ATRNL1: variants seen among roughly 807,000 people sequenced by gnomAD.
ATRNL1 encodes attractin-like protein 1.
In ATRNL1, 95 loss-of-function variants were observed where a neutral mutation model predicts 182.7. The ratio of observed to expected loss-of-function variants is 0.52; its 90% confidence interval spans 0.44 to 0.62. The LOEUF (loss-of-function observed/expected upper bound fraction) is 0.62, where lower values mean the gene tolerates loss of function less well. ATRNL1 is among the 20% of genes least tolerant of loss of function. ATRNL1 has a pLI of 0.00. For missense variants in ATRNL1, 1,471 were observed against 1,679.5 expected (o/e 0.88, Z 2.17); for synonymous variants, 576 against 568.3 (o/e 1.01, Z -0.19).
chr10:115,330,444 A>C (rs185128712), intron 18 of ATRNL1, among the ~76,000 whole-genome samples: 1,958 of 152,032 alleles, frequency 0.013, 37 homozygotes, highest in African/African-American at 0.044. Flanking sequence ...CAACTCCTGA[A>C]AGTATTTTTT....
chr10:115,295,719 G>C (rs1853149946), intron 15 of ATRNL1, among the ~76,000 whole-genome samples: 1 of 152,094 alleles, frequency 6.6e-6, no homozygotes, highest in African/African-American at 2.4e-5. Context: ...GTCCTGTGTG[G>C]GACTGCCAGA....
At chr10:115,701,581 A>G (rs545641999) in intron 26 of ATRNL1, among the ~76,000 whole-genome samples, 9 of 152,026 alleles carry the variant, frequency 5.9e-5, no homozygotes, top group Non-Finnish European at 1.3e-4. Flanking sequence ...ACTGAAGAAG[A>G]TCCAAATAAC....
chr10:115,443,170 T>G (rs1554966061), intron 21 of ATRNL1, among the ~76,000 whole-genome samples: 1 of 151,922 alleles, frequency 6.6e-6, no homozygotes, highest in African/African-American at 2.4e-5. Flanking sequence ...TGATTATATG[T>G]GTTTAAATTT....
At chr10:115,516,392 AC>A (rs150736271) in intron 24 of ATRNL1, among the ~76,000 whole-genome samples, 1,801 of 151,864 alleles carry the variant, frequency 0.012, 31 homozygotes, top group African/African-American at 0.04. Flanking sequence ...TAAATTATGT[AC>A]CTAACTACTT....
At chr10:115,704,335 A>T (rs1180225993) in intron 26 of ATRNL1, among the ~76,000 whole-genome samples, 2 of 151,842 alleles carry the variant, frequency 1.3e-5, no homozygotes, top group East Asian at 3.9e-4. Context: ...AATTGTCTTT[A>T]TAAGGAAACT....
intron 19 of ATRNL1, among the ~76,000 whole-genome samples, chr10:115,349,469 A>G (rs1038728962): frequency 3.3e-5 from 5 of 152,202 alleles, no homozygotes; most frequent in Non-Finnish European, 7.3e-5. Flanking sequence ...TCTTTTGGAT[A>G]TAACCAGTAG....
In ATRNL1 at chr10:115,815,531, C is replaced by G. The variant is rs565444677; in HGVS notation, c.3904-32346C>G. 4.6e-5 allele frequency among the ~76,000 whole-genome samples: 7 copies of G among 151,094 alleles called. No homozygotes were observed. The Admixed American group carries it at 4.6e-4, about 10-fold the overall frequency. ...TACTTTTCTTAAATCACAAATTACA[C>G]GAAGCTTAACAAACATCCAAAAACA... On this transcript the variant is annotated intron_variant, in intron 27 of 28. Coordinates refer to ENST00000355044, the MANE Select transcript of ATRNL1 (RefSeq NM_207303.4).
intron 26 of ATRNL1, among the ~76,000 whole-genome samples, chr10:115,598,281 T>C (rs1856380787): frequency 6.6e-6 from 1 of 151,432 alleles, no homozygotes; most frequent in Admixed American, 6.6e-5. Flanking sequence ...AAATTTAAAT[T>C]GATAAATTGA....
intron 28 of ATRNL1, among the ~76,000 whole-genome samples, chr10:115,897,418 T>A (rs576360672): frequency 2.6e-5 from 4 of 152,318 alleles, no homozygotes; most frequent in Admixed American, 2.0e-4. Context: ...TGAAGAAGTA[T>A]TCAAGGGTAT....
chr10:115,382,142 TTTA>T (rs1554951341), intron 19 of ATRNL1, among the ~76,000 whole-genome samples: 1 of 152,202 alleles, frequency 6.6e-6, no homozygotes, highest in Non-Finnish European at 1.5e-5. Context: ...AGTCTCCAAC[TTTA>T]TTCTTCTTTT....
At chr10:115,606,463 CA>C (rs1565208421) in intron 26 of ATRNL1, among the ~76,000 whole-genome samples, 1 of 151,822 alleles carries the variant, frequency 6.6e-6, no homozygotes, top group African/African-American at 2.4e-5. Context: ...CCATTAAGAG[CA>C]AATGTTTAAG....
At chr10:115,357,465 G>A (rs1424169052) in intron 19 of ATRNL1, among the ~76,000 whole-genome samples, 2 of 151,740 alleles carry the variant, frequency 1.3e-5, no homozygotes, top group African/African-American at 4.8e-5. Flanking sequence ...TTATATTTTA[G>A]TCATGCCTAC....
At chr10:115,753,997 T>C (rs1490554112) in intron 27 of ATRNL1, among the ~76,000 whole-genome samples, 1 of 152,224 alleles carries the variant, frequency 6.6e-6, no homozygotes, top group Non-Finnish European at 1.5e-5. Flanking sequence ...TCTGTTGATA[T>C]CCTTCACCCA....
intron 15 of ATRNL1, among the ~76,000 whole-genome samples, chr10:115,289,490 C>T (rs1003161962): frequency 1.3e-5 from 2 of 151,974 alleles, no homozygotes; most frequent in Non-Finnish European, 2.9e-5. Flanking sequence ...CATATGTTTT[C>T]TTCTAGCAGT....
chr10:115,376,556 G>A (rs900483044), intron 19 of ATRNL1, among the ~76,000 whole-genome samples: 1 of 151,984 alleles, frequency 6.6e-6, no homozygotes, highest in East Asian at 1.9e-4. Flanking sequence ...ATGGGGTCTC[G>A]CTATGTTGCC....
At chr10:115,904,578 A>G (rs1268612750) in intron 28 of ATRNL1, among the ~76,000 whole-genome samples, 1 of 152,232 alleles carries the variant, frequency 6.6e-6, no homozygotes, top group Non-Finnish European at 1.5e-5. Flanking sequence ...CTCCAAGACT[A>G]TACTGTAGCC....
At chr10:115,439,686 A>G (rs1344016812) in intron 21 of ATRNL1, among the ~76,000 whole-genome samples, 4 of 151,988 alleles carry the variant, frequency 2.6e-5, no homozygotes, top group Middle Eastern at 6.8e-3. Context: ...CAGAGAGACT[A>G]TTCTGGACTA....
intron 26 of ATRNL1, among the ~76,000 whole-genome samples, chr10:115,648,704 C>T (rs981805830): frequency 6.6e-6 from 1 of 152,134 alleles, no homozygotes; most frequent in East Asian, 1.9e-4. Flanking sequence ...GAATGGGAAC[C>T]GTTGATAAAT....
At chr10:115,418,490 A>G (rs1845504631) in intron 20 of ATRNL1, among the ~76,000 whole-genome samples, 1 of 152,178 alleles carries the variant, frequency 6.6e-6, no homozygotes, top group Non-Finnish European at 1.5e-5. Flanking sequence ...TTGTGTTATT[A>G]GAATTCAAGA....
Sources: gnomAD v4.1 joint callset for allele counts (sites outside exome capture counted in the v4.1 genomes callset) on GRCh38, gnomAD v4.1.1 for gene constraint, MANE v1.5 for transcripts, NCBI Gene and HGNC (gene_info 2026-07-23, HGNC 2026-07-21) for gene names.